The following AOPEP variants were observed in gnomAD, a reference collection of about 807,000 sequenced individuals.
AOPEP encodes the protein aminopeptidase O.
Under a neutral mutation model 98.1 loss-of-function variants are expected in AOPEP, and 77 were observed. That is an observed-to-expected ratio of 0.78 (90% CI 0.65 to 0.95). AOPEP has a LOEUF of 0.95. AOPEP is among the 40% of genes least tolerant of loss of function. AOPEP has a pLI of 0.00. For synonymous variants in AOPEP, 346 were observed against 365.3 expected (o/e 0.95, Z 0.60); for missense variants, 1,024 against 1,024.7 (o/e 1.00, Z 0.01).
intron 5 of AOPEP, among the ~76,000 whole-genome samples, chr9:94,890,226 G>A (rs1279603574): frequency 2.7e-5 from 4 of 150,632 alleles, no homozygotes; most frequent in East Asian, 3.9e-4. Context: ...TTTTTGAAAC[G>A]GAGCCTTGCT....
intron 2 of AOPEP, among the ~76,000 whole-genome samples, chr9:94,770,899 G>T (rs534360877): frequency 2.6e-5 from 4 of 152,282 alleles, no homozygotes; most frequent in South Asian, 4.1e-4. Context: ...AGGAGTAAGG[G>T]GTTGTAAATA....
chr9:94,837,865 C>T (rs2041810603), intron 5 of AOPEP, among the ~76,000 whole-genome samples: 1 of 152,182 alleles, frequency 6.6e-6, no homozygotes, highest in Non-Finnish European at 1.5e-5. Flanking sequence ...TAAGGATGCC[C>T]ACTCTCACCA....
chr9:95,132,006 A>G, the AOPEP span, among the ~76,000 whole-genome samples: 1 of 152,216 alleles, frequency 6.6e-6, no homozygotes, highest in Non-Finnish European at 1.5e-5. Context: ...TTAAGCCATA[A>G]AGATTTTTAG....
chr9:94,744,383 ACT>A (rs1044807197), intron 1 of AOPEP, among the ~76,000 whole-genome samples: 2 of 150,592 alleles, frequency 1.3e-5, no homozygotes, highest in Non-Finnish European at 3.0e-5. Flanking sequence ...ACAGAGTGAG[ACT>A]CTGTCTCAAC....
At chr9:94,865,258 A>G (rs2045581584) in intron 5 of AOPEP, among the ~76,000 whole-genome samples, 1 of 152,206 alleles carries the variant, frequency 6.6e-6, no homozygotes, top group South Asian at 2.1e-4. Context: ...GACTTAGGAA[A>G]AAACAGGAAA....
In AOPEP at chr9:95,082,687, C is replaced by T; in HGVS notation, c.2432C>T (p.Ala811Val). 6.2e-7 allele frequency: 1 copy of T among 1,614,218 alleles called. No homozygotes were observed. Among genetic ancestry groups the T allele is most frequent in the Non-Finnish European group, 8.5e-7 (1 of 1,180,034 alleles). Residue 811 changes from alanine to valine, a missense_variant, in exon 16 of 17, where the codon GCC becomes GTC. Physicochemically the swap from Ala to Val is moderately conservative, Grantham distance 64 (BLOSUM62 0). Around this residue, in one of 3 missense-constraint regions of AOPEP, gnomAD observed 566 missense variants for 551.7 expected, o/e 1.03. Transcript: ENST00000375315. ...RTKEQMDRSS[A>V]QVVAEMLF ...AAGGAGCAGATGGATAGGTCCTCAG[C>T]CCAGGTGGTGGCCGAAATGTTATTT...
At chr9:94,752,357 T>TCA (rs1407421746) in intron 1 of AOPEP, among the ~76,000 whole-genome samples, 4 of 142,910 alleles carry the variant, frequency 2.8e-5, no homozygotes, top group East Asian at 2.0e-4. Context: ...TCTCTCTCTC[T>TCA]CTCACACACA....
the AOPEP span, among the ~76,000 whole-genome samples, chr9:95,133,140 G>T: frequency 6.6e-6 from 1 of 152,240 alleles, no homozygotes; most frequent in South Asian, 2.1e-4. Context: ...ATGCAATTAG[G>T]AAGCAGGCTC....
chr9:94,918,652 C>T (rs72748596), intron 5 of AOPEP, among the ~76,000 whole-genome samples: 3,955 of 152,192 alleles, frequency 0.026, 76 homozygotes, highest in Admixed American at 0.063. Context: ...ACTTTCCTCA[C>T]GTGTAAAATG....
intron 4 of AOPEP, among the ~76,000 whole-genome samples, chr9:94,794,480 A>G (rs886595654): frequency 3.3e-5 from 5 of 152,198 alleles, no homozygotes; most frequent in Admixed American, 2.6e-4. Context: ...TACTAGTACC[A>G]CAGTAACTGT....
In AOPEP at chr9:94,924,136, C is replaced by T; in HGVS notation, c.1515C>T (p.Ala505=). The change falls in exon 6 of 17, where the codon GCC becomes GCT. Residue 505 remains alanine (A), a synonymous_variant. Coordinates refer to ENST00000375315, the MANE Select transcript of AOPEP (RefSeq NM_001193329.3). ...WTEEWLSEGF[A]THLEDVFWAT... Reference sequence around the variant, plus strand: ...AGGAGTGGCTGAGTGAAGGCTTCGCCACTCACTTGGAGGATGTGTTTTGGG... The same window carrying T: ...AGGAGTGGCTGAGTGAAGGCTTCGCTACTCACTTGGAGGATGTGTTTTGGG... The T allele has an allele frequency of 6.7e-7, 1 of 1,486,490 alleles. No homozygotes were observed. The highest frequency in any genetic ancestry group is 9.0e-7 in the Non-Finnish European group (1 of 1,113,358). 92.1% of individuals were successfully genotyped at this position (1,486,490 alleles called of 1,614,324 possible). A position where few individuals can be genotyped will look rare whatever the true frequency, so the allele number is the denominator to read the frequency against.
intron 5 of AOPEP, among the ~76,000 whole-genome samples, chr9:94,914,681 A>T (rs1165429104): frequency 6.6e-6 from 1 of 151,830 alleles, no homozygotes; most frequent in African/African-American, 2.4e-5. Flanking sequence ...TCCCATTTAT[A>T]AACTTTGGCA....
chr9:94,857,277 C>G (rs955019371), intron 5 of AOPEP, among the ~76,000 whole-genome samples: 37 of 152,136 alleles, frequency 2.4e-4, no homozygotes, highest in African/African-American at 8.9e-4. Context: ...TATAGCAGTT[C>G]TTATGATCGT....
chr9:95,005,643 T>C (rs1388339120), intron 13 of AOPEP, 27 bp downstream of exon 13: 2 of 1,596,520 alleles, frequency 1.3e-6, no homozygotes, highest in East Asian at 2.2e-5. Flanking sequence ...CGGTACTCGG[T>C]GCAGGTCTTG....
intron 5 of AOPEP, among the ~76,000 whole-genome samples, chr9:94,803,040 G>C (rs1424154716): frequency 6.6e-6 from 1 of 152,130 alleles, no homozygotes; most frequent in East Asian, 1.9e-4. Flanking sequence ...TCGAGACTTT[G>C]CTTGAGGTTT....
At chr9:95,046,603 A>G (rs1023860708) in intron 13 of AOPEP, among the ~76,000 whole-genome samples, 20 of 152,238 alleles carry the variant, frequency 1.3e-4, no homozygotes, top group African/African-American at 4.8e-4. Flanking sequence ...CTGTACACGA[A>G]GAGATCGACC....
intron 5 of AOPEP, among the ~76,000 whole-genome samples, chr9:94,922,118 C>T (rs560011063): frequency 6.6e-6 from 1 of 152,234 alleles, no homozygotes; most frequent in Non-Finnish European, 1.5e-5. Flanking sequence ...AGAAGTGCCA[C>T]CCACCCTCCC....
chr9:94,971,478 G>A (rs977616635), intron 10 of AOPEP, among the ~76,000 whole-genome samples: 4 of 152,076 alleles, frequency 2.6e-5, no homozygotes, highest in African/African-American at 7.2e-5. Flanking sequence ...TTAGTTATGC[G>A]ACATATTGTA....
At position 95,008,509 on chromosome 9, in the gene AOPEP, G is replaced by C. The variant is rs117645012; in HGVS notation, c.2115+2893G>C. Reference sequence around the variant, plus strand: ...CCTTAAAGAAAATCTCGAAGGTGCTGAGTAGTAGGCACAGTCTGATGTAAC... The same window carrying C: ...CCTTAAAGAAAATCTCGAAGGTGCTCAGTAGTAGGCACAGTCTGATGTAAC... On this transcript the variant is annotated intron_variant, in intron 13 of 16. Coordinates refer to ENST00000375315, the MANE Select transcript of AOPEP (RefSeq NM_001193329.3). Among the ~76,000 whole-genome samples the C allele has an allele frequency of 2.1e-3, 319 of 152,330 alleles. 1 individual carries two copies. Among genetic ancestry groups the C allele is most frequent in the Non-Finnish European group, 4.0e-3 (271 of 68,026 alleles).
Sources: allele counts gnomAD v4.1 joint callset (sites outside exome capture counted in the v4.1 genomes callset), GRCh38; gene constraint gnomAD v4.1.1; regional missense constraint gnomAD v4.1.1; transcripts MANE v1.5; gene names NCBI Gene and HGNC (gene_info 2026-07-23, HGNC 2026-07-21).